Variants in ZFR observed in about 807,000 individuals in gnomAD.
ZFR encodes the protein zinc finger RNA-binding protein.
A neutral mutation model predicts 130.7 loss-of-function variants in ZFR; 19 were observed. The ratio of observed to expected loss-of-function variants is 0.15; its 90% CI spans 0.10 to 0.21. The LOEUF (loss-of-function observed/expected upper bound fraction) is 0.21, where lower values mean the gene tolerates loss of function less well. Ranked by LOEUF, ZFR falls within the 10% of genes least tolerant of loss-of-function variation. The pLI is 1.00. For synonymous variants in ZFR, 466 were observed against 456.9 expected, an observed-to-expected ratio of 1.02 and a Z score of -0.25; for missense variants, 872 against 1,321.5, an observed-to-expected ratio of 0.66 and a Z score of 5.27.
chr5:32,443,149 T>C (rs917209591), intron 2 of ZFR, among the ~76,000 whole-genome samples: 1 of 151,676 alleles, frequency 6.6e-6, no homozygotes. Context: ...GTAAATCAAA[T>C]GAAAAAAACT....
intron 2 of ZFR, among the ~76,000 whole-genome samples, chr5:32,440,828 T>C (rs1754456168): frequency 6.6e-6 from 1 of 152,204 alleles, no homozygotes; most frequent in Admixed American, 6.5e-5. Flanking sequence ...AATTCATTAT[T>C]ACAGGTCTTT....
Position 32,411,771 on chromosome 5 carries a change from A to G in ZFR, c.784+3198T>C, listed in dbSNP as rs1476299337. Among the ~76,000 whole-genome samples, 4 of 150,670 alleles carry G rather than the reference A, an allele frequency of 2.7e-5. No individual in the cohort carries two copies. In the East Asian group the frequency reaches 7.8e-4, roughly 29 times the overall value. On this transcript the variant is annotated intron_variant, in intron 5 of 19. Transcript: ENST00000265069. ...AGTACAGCTTAACAACCATTTATAT[A>G]TAGCACTTACATGGTATTAGGTACT... is the stretch of plus-strand genomic sequence containing the variant.
At chr5:32,369,868 T>C (rs1752623039) in intron 17 of ZFR, among the ~76,000 whole-genome samples, 1 of 152,078 alleles carries the variant, frequency 6.6e-6, no homozygotes, top group African/African-American at 2.4e-5. Flanking sequence ...TATTATACTA[T>C]GTTGTCCATA....
intron 4 of ZFR, among the ~76,000 whole-genome samples, chr5:32,415,816 T>C (rs1753814484): frequency 6.6e-6 from 1 of 152,198 alleles, no homozygotes; most frequent in African/African-American, 2.4e-5. Flanking sequence ...AAACAATGTA[T>C]ATTTTGAAAG....
In ZFR at chr5:32,388,454, A is replaced by G. The variant is rs1753085456; in HGVS notation, c.2348+15T>C. ...AAACCAAAATTACACATGGTAAATAACTTTCAAAACACACCTGTCTTTACC... is the reference window on the plus strand; with the variant it reads ...AAACCAAAATTACACATGGTAAATAGCTTTCAAAACACACCTGTCTTTACC... On this transcript the variant is annotated intron_variant, in intron 13 of 19. Transcript: ENST00000265069. 4.3e-6 allele frequency: 7 copies of G among 1,610,710 alleles called. No homozygotes were observed. Among genetic ancestry groups the G allele is most frequent in the Non-Finnish European group, 5.1e-6 (6 of 1,178,026 alleles).
At chr5:32,407,486 A>G (rs1753602249) in intron 5 of ZFR, among the ~76,000 whole-genome samples, 1 of 151,580 alleles carries the variant, frequency 6.6e-6, no homozygotes. Flanking sequence ...GACAAAAGAG[A>G]TAAAAGAAGA....
At chr5:32,383,757 A>T in intron 15 of ZFR, 1 of 456,728 alleles carries the variant, frequency 2.2e-6, no homozygotes, top group Non-Finnish European at 4.4e-6. Flanking sequence ...GAGAGAATAC[A>T]TACCGTTATT....
chr5:32,375,681 A>T (rs1203340693), intron 17 of ZFR, among the ~76,000 whole-genome samples: 1 of 151,768 alleles, frequency 6.6e-6, no homozygotes, highest in African/African-American at 2.4e-5. Context: ...TAATTTTTCT[A>T]TCTTTTCTAG....
chr5:32,363,915 C>A (rs975038195), intron 19 of ZFR, 33 bp downstream of exon 19: 1 of 1,571,510 alleles, frequency 6.4e-7, no homozygotes, highest in Non-Finnish European at 8.7e-7. Context: ...ATGGAGTAAC[C>A]CAATAGGGCT....
intron 5 of ZFR, among the ~76,000 whole-genome samples, chr5:32,413,446 A>G (rs1019127525): frequency 1.3e-5 from 2 of 152,122 alleles, no homozygotes; most frequent in South Asian, 2.1e-4. Context: ...GTTAATGACA[A>G]TTAGTGTCTA....
chr5:32,388,560 G>A lies in ZFR; in HGVS notation c.2257C>T (p.Arg753Cys), dbSNP rs955953816. 8.7e-6 allele frequency: 14 copies of A among 1,613,694 alleles called. No homozygotes were observed. The highest frequency in any genetic ancestry group is 1.6e-4 in the Middle Eastern group (1 of 6,080). The change falls in exon 13 of 20, where the codon CGT becomes TGT. Residue 753 changes from arginine to cysteine, a missense_variant. Transcript: ENST00000265069. ...AVQKIVSITERALKLVSDSLS... is the reference protein window; with the variant it reads ...AVQKIVSITECALKLVSDSLS... ...CTGTCTGAAACGAGTTTTAAAGCAC[G>A]TTCAGTAATAGAAACAATTTTCTGA...
chr5:32,426,904 G>GA (rs373216038), intron 2 of ZFR, among the ~76,000 whole-genome samples: 26,982 of 132,884 alleles, frequency 0.2, 3,461 homozygotes, highest in African/African-American at 0.35. Flanking sequence ...CACTCTTTCT[G>GA]AAAAAAAAAA....
At chr5:32,419,584 C>T (rs1444584781) in intron 3 of ZFR, among the ~76,000 whole-genome samples, 4 of 152,170 alleles carry the variant, frequency 2.6e-5, no homozygotes, top group African/African-American at 9.7e-5. Flanking sequence ...GTGATCCACC[C>T]ACCTTGGCCT....
intron 2 of ZFR, among the ~76,000 whole-genome samples, chr5:32,420,669 T>C (rs1301298249): frequency 6.6e-6 from 1 of 152,240 alleles, no homozygotes; most frequent in Non-Finnish European, 1.5e-5. Context: ...CATATCTGCA[T>C]ATATTTTTGA....
chr5:32,375,715 C>T (rs545105956), intron 17 of ZFR, among the ~76,000 whole-genome samples: 10 of 152,194 alleles, frequency 6.6e-5, no homozygotes, highest in Admixed American at 5.9e-4. Context: ...CCATGTTGCC[C>T]AAGCTGGTCT....
chr5:32,402,918 G>T (rs1170501672), intron 8 of ZFR, among the ~76,000 whole-genome samples, 188 bp downstream of exon 8: 2 of 151,956 alleles, frequency 1.3e-5, no homozygotes, highest in Non-Finnish European at 2.9e-5. Context: ...TGGCTGAAGG[G>T]AAGAAACCAG....
At position 32,395,179 on chromosome 5, in the gene ZFR, C is replaced by A; in HGVS notation, c.1959G>T (p.Glu653Asp). 1 of 1,604,144 alleles carries A rather than the reference C, an allele frequency of 6.2e-7. No homozygotes were observed. The highest frequency in any genetic ancestry group is 8.5e-7 in the Non-Finnish European group (1 of 1,175,820). The change falls in exon 11 of 20, where the codon GAG (glutamate) becomes GAT (aspartate). Residue 653 changes from glutamate (E) to aspartate (D), a missense_variant. By Grantham distance (45) the Glu-to-Asp change is conservative. Coordinates refer to ENST00000265069, the MANE Select transcript of ZFR (RefSeq NM_016107.5). ...EEYWRRREEE[E>D]RWRMEMRRYE... The stretch of plus-strand genomic sequence containing the variant: ...ATTACCTCATTTCCATTCTCCAACG[C>A]TCCTCTTCTTCTCGTCTTCGCCAGT...
At chr5:32,410,142 T>C (rs1248569704) in intron 5 of ZFR, among the ~76,000 whole-genome samples, 3 of 149,158 alleles carry the variant, frequency 2.0e-5, no homozygotes, top group Admixed American at 2.0e-4. Context: ...CCATCTCAAC[T>C]AAAAATACAA....
chr5:32,414,634 T>C (rs979839724), intron 5 of ZFR, among the ~76,000 whole-genome samples: 2 of 152,200 alleles, frequency 1.3e-5, no homozygotes, highest in African/African-American at 4.8e-5. Flanking sequence ...AGTATTAACC[T>C]TGAGTTTTCA....
Sources: gnomAD v4.1 joint callset for allele counts (sites outside exome capture counted in the v4.1 genomes callset) on GRCh38, gnomAD v4.1.1 for gene constraint, MANE v1.5 for transcripts, NCBI Gene and HGNC (gene_info 2026-07-23, HGNC 2026-07-21) for gene names.